Variants in LEF1 observed in about 807,000 individuals in gnomAD.
LEF1 encodes lymphoid enhancer-binding factor 1.
In LEF1, 14 loss-of-function variants were observed where a neutral mutation model predicts 51.2. That is an observed-to-expected ratio of 0.27 (90% confidence interval 0.18 to 0.43). The LOEUF (loss-of-function observed/expected upper bound fraction) is 0.43, where lower values mean the gene tolerates loss of function less well. LEF1 is among the 20% of genes least tolerant of loss of function. The pLI, the probability that LEF1 is intolerant of heterozygous loss-of-function variation, is 1.00. For synonymous variants in LEF1, 185 were observed against 183.2 expected (o/e 1.01, Z -0.08); for missense variants, 386 against 512.0 (o/e 0.75, Z 2.37).
chr4:108,167,606 C>CTTGA lies in LEF1; in HGVS notation c.158_161dup (p.Lys54AsnfsTer10). 6.2e-7 allele frequency: 1 copy of CTTGA among 1,614,224 alleles called. No homozygotes were observed. Among genetic ancestry groups the CTTGA allele is most frequent in the Non-Finnish European group, 8.5e-7 (1 of 1,180,036 alleles). On this transcript the variant is annotated frameshift_variant, in exon 1 of 12. Transcript: ENST00000265165. LOFTEE classifies it high-confidence loss of function. The surrounding 1 kb of genome is among the most constrained non-coding windows in gnomAD (Gnocchi z 5.7). ...TTTCAGACTCGTTCACCAAGGAAGA[C>CTTGA]TTGATGTCAGCTAAATCGCCTTCCT...
chr4:108,165,339 A>G (rs60543822), intron 1 of LEF1, 176 bp from the exon 2 acceptor site: 8,508 of 539,326 alleles, frequency 0.016, 568 homozygotes, highest in African/African-American at 0.14. Context: ...TTTCTTGTCA[A>G]CATGTATTTT....
chr4:108,117,288 T>A (rs533795009), intron 3 of LEF1, among the ~76,000 whole-genome samples: 2 of 152,330 alleles, frequency 1.3e-5, no homozygotes, highest in South Asian at 4.1e-4. Flanking sequence ...TCTAATTTAC[T>A]CGACATGTTG....
intron 3 of LEF1, among the ~76,000 whole-genome samples, chr4:108,124,650 G>A (rs1371816398): frequency 6.6e-6 from 1 of 152,220 alleles, no homozygotes; most frequent in African/African-American, 2.4e-5. Flanking sequence ...TTACAGGCAT[G>A]AGTCACCGCG....
rs59867246 is a variant in LEF1 at position 108,157,179 on chromosome 4, TACACACACACACAC to T, written c.414+6375_414+6388del. On this transcript the variant is annotated intron_variant, in intron 3 of 11. Transcript: ENST00000265165. ...CTCTCTCTCTCTCTCTATATATATA[TACACACACACACAC>T]ACACACACACACACACACACACACA... 2.3e-4 allele frequency among the ~76,000 whole-genome samples: 27 copies of T among 116,790 alleles called. No homozygotes were observed. The East Asian group carries it at 3.5e-3, about 15-fold the overall frequency. 76.6% of individuals were successfully genotyped at this position (116,790 alleles called of 152,430 possible). A position where few individuals can be genotyped will look rare whatever the true frequency, so the allele number is the denominator to read the frequency against.
intron 11 of LEF1, among the ~76,000 whole-genome samples, chr4:108,051,840 G>A (rs966154127): frequency 2.6e-5 from 4 of 151,438 alleles, no homozygotes; most frequent in Non-Finnish European, 5.9e-5. Context: ...CTTACTAAAA[G>A]CCCAAGCAAT....
intron 3 of LEF1, among the ~76,000 whole-genome samples, chr4:108,155,325 G>A (rs1369170401): frequency 2.0e-5 from 3 of 152,074 alleles, no homozygotes; most frequent in Admixed American, 6.6e-5. Flanking sequence ...GGTGGATTAC[G>A]GTGCTAAAGA....
intron 3 of LEF1, among the ~76,000 whole-genome samples, chr4:108,120,798 T>A (rs1199349810): frequency 6.6e-6 from 1 of 152,208 alleles, no homozygotes; most frequent in South Asian, 2.1e-4. Context: ...AGAAGAGACA[T>A]TAAAGGATAG....
At chr4:108,058,406 T>C (rs1737451732) in intron 11 of LEF1, among the ~76,000 whole-genome samples, 1 of 152,196 alleles carries the variant, frequency 6.6e-6, no homozygotes, top group African/African-American at 2.4e-5. Context: ...TATAATTCTT[T>C]ACTTCTTTAA....
chr4:108,128,892 C>T (rs1742703739), intron 3 of LEF1, among the ~76,000 whole-genome samples: 1 of 152,092 alleles, frequency 6.6e-6, no homozygotes, highest in East Asian at 1.9e-4. Context: ...AGAAGAAACC[C>T]ATAAAAATGT....
chr4:108,158,202 G>A (rs1038825314), intron 3 of LEF1, among the ~76,000 whole-genome samples: 2 of 152,130 alleles, frequency 1.3e-5, no homozygotes, highest in African/African-American at 4.8e-5. Context: ...TATTTAAAAA[G>A]TAATCATGAA....
chr4:108,096,322 T>A lies in LEF1; in HGVS notation c.415-7065A>T, dbSNP rs1388106897. ...AGCTGCCTGCCTGGACCACTAGCTGTAGTGGTGCAAGGATTCTATGGGGTA... is the reference window on the plus strand; with the variant it reads ...AGCTGCCTGCCTGGACCACTAGCTGAAGTGGTGCAAGGATTCTATGGGGTA... On this transcript the variant is annotated intron_variant, in intron 3 of 11. Coordinates refer to ENST00000265165, the MANE Select transcript of LEF1 (RefSeq NM_016269.5). Among the ~76,000 whole-genome samples the A allele has an allele frequency of 2.6e-5, 4 of 152,078 alleles. No individual in the cohort carries two copies. The East Asian group carries it at 7.7e-4, about 29-fold the overall frequency.
chr4:108,110,012 T>C (rs1741422708), intron 3 of LEF1, among the ~76,000 whole-genome samples: 1 of 152,200 alleles, frequency 6.6e-6, no homozygotes, highest in Non-Finnish European at 1.5e-5. Flanking sequence ...TTATCACTTT[T>C]AAAGTCTAGT....
chr4:108,069,002 C>T (rs1028010445), intron 9 of LEF1, among the ~76,000 whole-genome samples: 8 of 152,180 alleles, frequency 5.3e-5, no homozygotes, highest in African/African-American at 1.9e-4. Flanking sequence ...TGCTGAAATT[C>T]TAACCCCCAA....
chr4:108,157,148 T>TTCTCTCTC (rs141657105), intron 3 of LEF1, among the ~76,000 whole-genome samples: 7 of 117,900 alleles, frequency 5.9e-5, no homozygotes, highest in African/African-American at 2.3e-4. Context: ...TACCTCTTCA[T>TTCTCTCTC]TCTCTCTCTC....
intron 3 of LEF1, among the ~76,000 whole-genome samples, chr4:108,090,285 T>C (rs1739932469): frequency 6.6e-6 from 1 of 151,898 alleles, no homozygotes; most frequent in Non-Finnish European, 1.5e-5. Context: ...GCTGAAATAC[T>C]GCTTTAATAA....
intron 2 of LEF1, among the ~76,000 whole-genome samples, chr4:108,163,965 G>C (rs1297550617): frequency 6.6e-6 from 1 of 152,122 alleles, no homozygotes; most frequent in Non-Finnish European, 1.5e-5. Context: ...ACAAAAATAA[G>C]TGTTATCCAT....
chr4:108,125,158 ATTTATT>A (rs1742444615), intron 3 of LEF1, among the ~76,000 whole-genome samples: 1 of 151,798 alleles, frequency 6.6e-6, no homozygotes, highest in Non-Finnish European at 1.5e-5. Flanking sequence ...TTATTTATTT[ATTTATT>A]TTTATTTATT....
chr4:108,069,586 C>G (rs1467326384), intron 9 of LEF1, among the ~76,000 whole-genome samples: 1 of 152,152 alleles, frequency 6.6e-6, no homozygotes, highest in Non-Finnish European at 1.5e-5. Flanking sequence ...TGTGGCAAAA[C>G]AGTCACCTGA....
intron 1 of LEF1, chr4:108,166,907 G>GCGC: frequency 1.3e-6 from 1 of 758,908 alleles, no homozygotes; most frequent in Non-Finnish European, 1.6e-6. Context: ...ACAGCTCCCA[G>GCGC]CTGCTAGCCC....
Sources: allele counts gnomAD v4.1 joint callset (sites outside exome capture counted in the v4.1 genomes callset), GRCh38; gene constraint gnomAD v4.1.1; non-coding constraint Gnocchi (gnomAD v3.1); transcripts MANE v1.5; gene names NCBI Gene and HGNC (gene_info 2026-07-23, HGNC 2026-07-21).